Variants in SSBP3 observed in about 807,000 individuals in gnomAD.
SSBP3 encodes single stranded DNA binding protein 3.
In SSBP3, 5 loss-of-function variants were observed where a neutral mutation model predicts 69.6. The ratio of observed to expected loss-of-function variants is 0.07; its 90% CI spans 0.04 to 0.15. The LOEUF (loss-of-function observed/expected upper bound fraction) is 0.15, where lower values mean the gene tolerates loss of function less well. Among genes scored for constraint, SSBP3 ranks in the 10% least tolerant of loss-of-function variants. SSBP3 has a pLI of 1.00. For missense variants in SSBP3, 312 were observed against 534.0 expected (o/e 0.58, Z 4.10); for synonymous variants, 196 against 193.4 (o/e 1.01, Z -0.11).
chr1:54,384,744 T>C (rs975432953), intron 4 of SSBP3, among the ~76,000 whole-genome samples: 20 of 152,254 alleles, frequency 1.3e-4, no homozygotes, highest in African/African-American at 4.8e-4. Context: ...CACAGATGTC[T>C]TTTTAATGTT....
intron 4 of SSBP3, among the ~76,000 whole-genome samples, chr1:54,397,406 G>A (rs1161711175): frequency 6.6e-6 from 1 of 152,186 alleles, no homozygotes; most frequent in Non-Finnish European, 1.5e-5. Flanking sequence ...CTGGACCCCT[G>A]CCACACAGCC....
chr1:54,242,252 G>C (rs1334368225), intron 10 of SSBP3, 40 bp from the exon 11 acceptor site: 1 of 1,611,646 alleles, frequency 6.2e-7, no homozygotes, highest in African/African-American at 1.3e-5. Flanking sequence ...TGAAAAAGGC[G>C]CTGTAAACTC....
chr1:54,382,947 T>G (rs1252299103), intron 4 of SSBP3, among the ~76,000 whole-genome samples: 1 of 128,174 alleles, frequency 7.8e-6, no homozygotes, highest in East Asian at 2.3e-4. Context: ...ATCGTGCCAT[T>G]GCACTCCAGC....
At chr1:54,254,652 G>C (rs1644887931) in intron 7 of SSBP3, among the ~76,000 whole-genome samples, 1 of 152,250 alleles carries the variant, frequency 6.6e-6, no homozygotes, top group African/African-American at 2.4e-5. Context: ...CCCGTCACAG[G>C]AGAGAACTGA....
At chr1:54,328,642 G>A (rs184193035) in intron 4 of SSBP3, among the ~76,000 whole-genome samples, 2 of 152,294 alleles carry the variant, frequency 1.3e-5, no homozygotes, top group East Asian at 3.9e-4. Context: ...AAAACGCTGG[G>A]GTTCCTCCAG....
chr1:54,329,109 C>A (rs1187756483), intron 4 of SSBP3, among the ~76,000 whole-genome samples: 1 of 152,176 alleles, frequency 6.6e-6, no homozygotes, highest in South Asian at 2.1e-4. Flanking sequence ...AGAAATGCAT[C>A]TCCTGGACTT....
intron 4 of SSBP3, among the ~76,000 whole-genome samples, chr1:54,362,789 C>A (rs536493120): frequency 6.6e-6 from 1 of 152,220 alleles, no homozygotes; most frequent in African/African-American, 2.4e-5. Flanking sequence ...GAGCCACACG[C>A]TAGACTGCCC....
intron 5 of SSBP3, among the ~76,000 whole-genome samples, chr1:54,275,215 G>A (rs546329213): frequency 2.6e-5 from 4 of 152,190 alleles, no homozygotes; most frequent in East Asian, 3.9e-4. Context: ...AAGCCCGTCC[G>A]GGTCTCACAT....
chr1:54,227,301 G>T (rs1202992102), intron 17 of SSBP3, 141 bp from the exon 18 acceptor site: 1 of 683,852 alleles, frequency 1.5e-6, no homozygotes, highest in Non-Finnish European at 2.7e-6. Flanking sequence ...GGGGCACATG[G>T]TGGCATGGAG....
intron 4 of SSBP3, among the ~76,000 whole-genome samples, chr1:54,373,093 C>A (rs2100687266): frequency 6.6e-6 from 1 of 152,310 alleles, no homozygotes; most frequent in South Asian, 2.1e-4. Flanking sequence ...CTGGTGTCAC[C>A]CGCATAACCT....
At chr1:54,381,243 C>T (rs1019372894) in intron 4 of SSBP3, among the ~76,000 whole-genome samples, 1 of 151,800 alleles carries the variant, frequency 6.6e-6, no homozygotes, top group Non-Finnish European at 1.5e-5. Flanking sequence ...ATTAGCCGGG[C>T]GTGGTGGCGT....
intron 4 of SSBP3, among the ~76,000 whole-genome samples, chr1:54,301,060 T>C (rs534525900): frequency 1.3e-5 from 2 of 152,236 alleles, no homozygotes; most frequent in African/African-American, 2.4e-5. Flanking sequence ...AGACAGCTTA[T>C]CTATTTCCCC....
intron 4 of SSBP3, chr1:54,286,443 G>A (rs546292944): frequency 6.6e-6 from 1 of 152,372 alleles, no homozygotes; most frequent in African/African-American, 2.4e-5. Flanking sequence ...AGCACTGCCT[G>A]AAGTTTGCCG....
chr1:54,361,632 C>T (rs200049308), intron 4 of SSBP3, among the ~76,000 whole-genome samples: 22 of 152,174 alleles, frequency 1.4e-4, no homozygotes, highest in Non-Finnish European at 2.6e-4. Flanking sequence ...TCTCGCAGAA[C>T]GTGGGATATC....
At chr1:54,396,591 C>T (rs1215764289) in intron 4 of SSBP3, among the ~76,000 whole-genome samples, 1 of 152,146 alleles carries the variant, frequency 6.6e-6, no homozygotes. Flanking sequence ...CCCTGCCTCC[C>T]TCACAAAATA....
At chr1:54,409,986 C>G (rs2100848548), upstream of SSBP3, among the ~76,000 whole-genome samples, 1 of 152,340 alleles carries the variant, frequency 6.6e-6, no homozygotes, top group East Asian at 1.9e-4. Flanking sequence ...CCCAGATCCC[C>G]CCTCTGAACT....
At chr1:54,243,453 G>T in intron 9 of SSBP3, 154 bp from the exon 10 acceptor site, 1 of 890,672 alleles carries the variant, frequency 1.1e-6, no homozygotes. Flanking sequence ...CGGTGGGGCG[G>T]GTGGGAACCA....
At chr1:54,239,150 C>T (rs748057892) in exon 14 of SSBP3, 9 of 1,613,866 alleles carry the variant, frequency 5.6e-6, no homozygotes, top group African/African-American at 4.0e-5. Context: ...TGCCTCCAGG[C>T]GGCACTGGAT....
intron 4 of SSBP3, among the ~76,000 whole-genome samples, chr1:54,341,255 G>C (rs1646601388): frequency 6.6e-6 from 1 of 152,102 alleles, no homozygotes; most frequent in Non-Finnish European, 1.5e-5. Flanking sequence ...TGTTGGCAGA[G>C]ACCTTTCAAG....
Sources: gnomAD v4.1 joint callset for allele counts (sites outside exome capture counted in the v4.1 genomes callset) on GRCh38, gnomAD v4.1.1 for gene constraint, MANE v1.5 for transcripts, NCBI Gene and HGNC (gene_info 2026-07-23, HGNC 2026-07-21) for gene names.